The following ASCC3 variants were observed in gnomAD, a reference collection of about 807,000 sequenced individuals.
The protein encoded by ASCC3 is activating signal cointegrator 1 complex subunit 3.
ASCC3 carries 158 observed loss-of-function variants against 256.3 expected under a neutral mutation model. The ratio of observed to expected loss-of-function variants is 0.62; its 90% CI spans 0.54 to 0.70. The LOEUF (loss-of-function observed/expected upper bound fraction) is 0.70, where lower values mean the gene tolerates loss of function less well. ASCC3 is among the 30% of genes least tolerant of loss of function. The pLI, the probability that ASCC3 is intolerant of heterozygous loss-of-function variation, is 0.00. For synonymous variants in ASCC3, 948 were observed against 883.4 expected (o/e 1.07, Z -1.30); for missense variants, 2,259 against 2,626.0 (o/e 0.86, Z 3.05).
chr6:100,871,793 C>T (rs927069217), intron 1 of ASCC3, among the ~76,000 whole-genome samples: 6 of 152,126 alleles, frequency 3.9e-5, no homozygotes, highest in Admixed American at 3.3e-4. Context: ...TCCTACCAGC[C>T]TTTCTCAATG....
intron 1 of ASCC3, among the ~76,000 whole-genome samples, chr6:100,879,364 A>C (rs549815233): frequency 6.6e-6 from 1 of 151,908 alleles, no homozygotes; most frequent in East Asian, 1.9e-4. Flanking sequence ...CCCCTCTCTC[A>C]CCTCCCTAAG....
At chr6:100,752,272 TC>T (rs1352487840) in intron 10 of ASCC3, among the ~76,000 whole-genome samples, 1 of 152,138 alleles carries the variant, frequency 6.6e-6, no homozygotes, top group African/African-American at 2.4e-5. Context: ...TTTAAACATC[TC>T]CATGTAAAAG....
At chr6:100,677,569 C>A (rs572768896) in intron 14 of ASCC3, among the ~76,000 whole-genome samples, 62 of 152,024 alleles carry the variant, frequency 4.1e-4, no homozygotes, top group African/African-American at 1.4e-3. Context: ...AAGGACAGCA[C>A]AATGGTACAG....
At chr6:100,723,886 A>ATT (rs1779478688) in intron 11 of ASCC3, among the ~76,000 whole-genome samples, 1 of 113,368 alleles carries the variant, frequency 8.8e-6, no homozygotes, top group African/African-American at 3.5e-5. Flanking sequence ...ATATATATAT[A>ATT]TATATATATA....
At chr6:100,655,631 C>G in intron 17 of ASCC3, 68 bp downstream of exon 17, 3 of 1,538,518 alleles carry the variant, frequency 1.9e-6, no homozygotes, top group Non-Finnish European at 2.7e-6. Context: ...AAACAAATAT[C>G]TATCCTCATA....
intron 36 of ASCC3, among the ~76,000 whole-genome samples, chr6:100,567,596 T>G (rs867350520): frequency 2.6e-5 from 4 of 152,260 alleles, no homozygotes; most frequent in South Asian, 2.1e-4. Flanking sequence ...GTGTCTACAG[T>G]CATCTTTGTG....
At chr6:100,577,027 TAAA>T (rs79109773) in intron 36 of ASCC3, among the ~76,000 whole-genome samples, 1 of 134,904 alleles carries the variant, frequency 7.4e-6, no homozygotes, top group Non-Finnish European at 1.6e-5. Context: ...ACTGCCACAT[TAAA>T]AAAAAAAAAG....
rs561215723 is a variant in ASCC3 at position 100,821,018 on chromosome 6, T to C, written c.802-15138A>G. Among the ~76,000 whole-genome samples, 3 of 152,262 alleles carry C rather than the reference T, an allele frequency of 2.0e-5. No homozygotes were observed. The South Asian group carries it at 6.2e-4, about 32-fold the overall frequency. ...AGTTTGCTGTTTCCTCAATAAGTTG[T>C]ATTGTTGTTGTTGTTTTGTTTTGTT... On this transcript the variant is annotated intron_variant, in intron 4 of 41. Transcript: ENST00000369162.
intron 36 of ASCC3, among the ~76,000 whole-genome samples, chr6:100,572,532 G>T (rs1009857392): frequency 6.6e-6 from 1 of 152,114 alleles, no homozygotes; most frequent in Non-Finnish European, 1.5e-5. Context: ...AGGGCATAGG[G>T]AAATACTGCC....
chr6:100,747,022 T>A (rs1019029461), intron 10 of ASCC3, among the ~76,000 whole-genome samples: 2 of 152,086 alleles, frequency 1.3e-5, no homozygotes, highest in Non-Finnish European at 2.9e-5. Context: ...AACAAAGAGC[T>A]TGTATTCAGT....
At chr6:100,842,686 T>A (rs1772203260) in intron 4 of ASCC3, among the ~76,000 whole-genome samples, 1 of 152,190 alleles carries the variant, frequency 6.6e-6, no homozygotes, top group African/African-American at 2.4e-5. Context: ...TTAAATGATT[T>A]GGGGCTGGGT....
rs1348611078 is a variant in ASCC3 at position 100,678,422 on chromosome 6, A to G, written c.2286+1196T>C. Among the ~76,000 whole-genome samples, 3 of 152,180 alleles carry G rather than the reference A, an allele frequency of 2.0e-5. No homozygotes were observed. The South Asian group carries it at 6.2e-4, about 32-fold the overall frequency. ...AGTGTTAGGTAATAAAAGTAAAAAA[A>G]TAGAAAATGAATAAATTTTGTGTTT... On this transcript the variant is annotated intron_variant, in intron 14 of 41. Transcript: ENST00000369162.
intron 1 of ASCC3, among the ~76,000 whole-genome samples, chr6:100,868,822 A>G (rs982052021): frequency 6.6e-6 from 1 of 152,212 alleles, no homozygotes; most frequent in Non-Finnish European, 1.5e-5. Flanking sequence ...ACAGCTGATG[A>G]GGGGGAAGAA....
chr6:100,662,054 A>T, intron 15 of ASCC3, 24 bp from the exon 16 acceptor site: 1 of 1,591,896 alleles, frequency 6.3e-7, no homozygotes, highest in Non-Finnish European at 8.6e-7. Context: ...AGTTAACAAA[A>T]ATTTACATAA....
chr6:100,712,310 G>A (rs919580437), intron 13 of ASCC3, among the ~76,000 whole-genome samples: 2 of 152,062 alleles, frequency 1.3e-5, no homozygotes, highest in African/African-American at 2.4e-5. Context: ...AGAGAAATAA[G>A]AGGAAAGAGA....
In ASCC3 at chr6:100,792,424, T is replaced by C. The variant is rs141804221; in HGVS notation, c.1395+6289A>G. 1.4e-3 allele frequency among the ~76,000 whole-genome samples: 212 copies of C among 152,056 alleles called. 7 individuals are homozygous for C. The East Asian group carries it at 0.033, about 24-fold the overall frequency. Reference sequence around the variant, plus strand: ...TTCCTGGCACTCTCCACATATGGCCTACATGCTAATAAGACTGAAGTGCTT... The same window carrying C: ...TTCCTGGCACTCTCCACATATGGCCCACATGCTAATAAGACTGAAGTGCTT... On this transcript the variant is annotated intron_variant, in intron 8 of 41. Coordinates refer to ENST00000369162, the MANE Select transcript of ASCC3 (RefSeq NM_006828.4).
chr6:100,720,565 T>C (rs1160390626), intron 11 of ASCC3, among the ~76,000 whole-genome samples: 1 of 151,692 alleles, frequency 6.6e-6, no homozygotes, highest in African/African-American at 2.4e-5. Flanking sequence ...TAAAAGGAGG[T>C]AGGGGAAAGA....
intron 25 of ASCC3, among the ~76,000 whole-genome samples, chr6:100,632,698 A>G (rs891763044): frequency 1.3e-5 from 2 of 152,182 alleles, no homozygotes; most frequent in Non-Finnish European, 2.9e-5. Context: ...AATCTTCAAC[A>G]AGGGCCTAAA....
chr6:100,707,406 TA>T (rs1778655963), intron 13 of ASCC3, among the ~76,000 whole-genome samples: 1 of 151,976 alleles, frequency 6.6e-6, no homozygotes, highest in South Asian at 2.1e-4. Flanking sequence ...ATTAAGGGAA[TA>T]AAATGCATCA....
Sources: allele counts gnomAD v4.1 joint callset (sites outside exome capture counted in the v4.1 genomes callset), GRCh38; gene constraint gnomAD v4.1.1; transcripts MANE v1.5; gene names NCBI Gene and HGNC (gene_info 2026-07-23, HGNC 2026-07-21).